Variants in ABCA3 observed in about 807,000 individuals in gnomAD.
ABCA3 encodes ATP binding cassette subfamily A member 3.
A neutral mutation model predicts 172.8 loss-of-function variants in ABCA3; 88 were observed. The observed-to-expected ratio is 0.51, with a 90% CI of 0.43 to 0.61. ABCA3 has a LOEUF of 0.61. Among genes scored for constraint, ABCA3 ranks in the 20% least tolerant of loss-of-function variants. The pLI is 0.00. For missense variants in ABCA3, 2,164 were observed against 2,301.0 expected, an observed-to-expected ratio of 0.94 and a Z score of 1.22; for synonymous variants, 1,066 against 983.8, an observed-to-expected ratio of 1.08 and a Z score of -1.56.
intron 1 of ABCA3, among the ~76,000 whole-genome samples, chr16:2,331,358 C>T (rs571258597): frequency 6.6e-6 from 1 of 152,290 alleles, no homozygotes; most frequent in African/African-American, 2.4e-5. Flanking sequence ...GCCACCACGC[C>T]CGGCTAATTC....
intron 1 of ABCA3, among the ~76,000 whole-genome samples, chr16:2,338,088 G>T (rs1040142757): frequency 2.6e-5 from 4 of 152,148 alleles, no homozygotes; most frequent in Non-Finnish European, 5.9e-5. Context: ...TGCAGGAAAC[G>T]AGGTAATGAG....
At chr16:2,337,837 T>C (rs1220665822) in intron 1 of ABCA3, among the ~76,000 whole-genome samples, 1 of 152,256 alleles carries the variant, frequency 6.6e-6, no homozygotes, top group Non-Finnish European at 1.5e-5. Flanking sequence ...CTGGCGCTCA[T>C]ACTCAGCACC....
At chr16:2,316,664 C>T (rs887150936) in intron 10 of ABCA3, among the ~76,000 whole-genome samples, 1 of 150,604 alleles carries the variant, frequency 6.6e-6, no homozygotes, top group African/African-American at 2.4e-5. Flanking sequence ...AGCAACAGAG[C>T]AAGACTGCTC....
At chr16:2,280,333 C>G (rs1410453766) in intron 28 of ABCA3, among the ~76,000 whole-genome samples, 2 of 152,258 alleles carry the variant, frequency 1.3e-5, no homozygotes, top group Non-Finnish European at 1.5e-5. Flanking sequence ...GGGCCTGTGT[C>G]TATTGCTTCC....
intron 11 of ABCA3, among the ~76,000 whole-genome samples, chr16:2,304,812 A>C (rs2078524344): frequency 6.6e-6 from 1 of 151,712 alleles, no homozygotes; most frequent in African/African-American, 2.4e-5. Flanking sequence ...AGTAGCTGGG[A>C]CTACAGGCGC....
intron 18 of ABCA3, among the ~76,000 whole-genome samples, chr16:2,294,375 G>A (rs2093676714): frequency 6.6e-6 from 1 of 152,018 alleles, no homozygotes; most frequent in Admixed American, 6.6e-5. Context: ...ACAAGAGAAA[G>A]GATGTTGCTA....
intron 10 of ABCA3, among the ~76,000 whole-genome samples, chr16:2,310,922 G>A (rs1336839186): frequency 6.6e-6 from 1 of 152,100 alleles, no homozygotes; most frequent in Non-Finnish European, 1.5e-5. Flanking sequence ...TGACTTAGCA[G>A]ATTACAGCTC....
chr16:2,288,426 C>T, intron 20 of ABCA3, 97 bp from the exon 21 acceptor site: 4 of 1,378,544 alleles, frequency 2.9e-6, no homozygotes, highest in Non-Finnish European at 2.9e-6. Context: ...GTGACGCCAG[C>T]CTGGGGGCCT....
In ABCA3 at chr16:2,317,290, G is replaced by T; in HGVS notation, c.1104C>A (p.Phe368Leu). ...ISFSFMVSTF[F>L]SKANMAAAFG... ...CCCATGACTGGGGCTCACCTTTGCT[G>T]AAGAAGGTGCTGACCATGAAGCTGA... The change falls in exon 10 of 33, where the codon TTC becomes TTA. Residue 368 changes from phenylalanine to leucine, a missense_variant. Phe to Leu is a conservative substitution (Grantham distance 22). Coordinates refer to ENST00000301732, the MANE Select transcript of ABCA3 (RefSeq NM_001089.3). 6.2e-7 allele frequency: 1 copy of T among 1,614,014 alleles called. No homozygotes were observed. The highest frequency in any genetic ancestry group is 8.5e-7 in the Non-Finnish European group (1 of 1,180,006).
At position 2,297,201 on chromosome 16, in the gene ABCA3, G is replaced by A. The variant is rs753262228; in HGVS notation, c.2263+128C>T. The A allele has an allele frequency of 9.7e-7, 1 of 1,026,870 alleles. No individual in the cohort carries two copies. Among genetic ancestry groups the A allele is most frequent in the Non-Finnish European group, 1.5e-6 (1 of 683,438 alleles). The allele number at this position is 1,026,870 out of a possible 1,614,324, so 63.6% of individuals were successfully genotyped here. A position where few individuals can be genotyped will look rare whatever the true frequency, so the allele number is the denominator to read the frequency against. On this transcript the variant is annotated intron_variant, in intron 17 of 32. Transcript: ENST00000301732. This position sits in a 1 kb window ranked among gnomAD's most constrained non-coding sequence, Gnocchi z 5.6. ...GCCTGGTTGGGCTCTCCACCCAGAG[G>A]CAACAGACAGGAAGTCTAGAAAAGG...
In ABCA3 at chr16:2,283,466, A is replaced by G; in HGVS notation, c.3863-108T>C. 1 of 1,306,328 alleles carries G rather than the reference A, an allele frequency of 7.7e-7. No individual in the cohort carries two copies. The highest frequency in any genetic ancestry group is 2.4e-5 in the East Asian group (1 of 40,912). The allele number at this position is 1,306,328 out of a possible 1,614,324, so 80.9% of individuals were successfully genotyped here. On this transcript the variant is annotated intron_variant, in intron 25 of 32. Transcript: ENST00000301732. This position sits in a 1 kb window ranked among gnomAD's most constrained non-coding sequence, Gnocchi z 5.4. ...CAGGCTGCTCAAGGCGCCTGTAACA[A>G]TGTCCCCTCCATGGGGAGATGTGAA... is the stretch of plus-strand genomic sequence containing the variant.
chr16:2,295,487 C>G, intron 18 of ABCA3, 103 bp downstream of exon 18: 1 of 1,559,252 alleles, frequency 6.4e-7, no homozygotes, highest in Non-Finnish European at 8.7e-7. Flanking sequence ...ACTGGCCAGG[C>G]CAGAGAGGGG....
chr16:2,337,341 C>A (rs1459264543), intron 1 of ABCA3, among the ~76,000 whole-genome samples: 1 of 151,042 alleles, frequency 6.6e-6, no homozygotes, highest in Non-Finnish European at 1.5e-5. Context: ...TTCTTTTACA[C>A]ATAACAGTAC....
chr16:2,289,399 T>TCCCCC, intron 20 of ABCA3, 35 bp downstream of exon 20: 14 of 1,544,316 alleles, frequency 9.1e-6, no homozygotes, highest in Non-Finnish European at 1.1e-5. Flanking sequence ...TGCTCGCCCT[T>TCCCCC]CCCCCGCCAC....
At chr16:2,331,925 G>A (rs746355351) in intron 1 of ABCA3, among the ~76,000 whole-genome samples, 9 of 152,134 alleles carry the variant, frequency 5.9e-5, no homozygotes, top group Admixed American at 4.6e-4. Flanking sequence ...GTCAGGAAAG[G>A]GAAGGCAAAC....
At chr16:2,310,388 C>A (rs929847645) in intron 10 of ABCA3, among the ~76,000 whole-genome samples, 1 of 151,658 alleles carries the variant, frequency 6.6e-6, no homozygotes, top group Non-Finnish European at 1.5e-5. Flanking sequence ...ATCCTAGCGA[C>A]AGAGTGAGAC....
At position 2,279,005 on chromosome 16, in the gene ABCA3, C is replaced by T. The variant is rs765003817; in HGVS notation, c.4485G>A (p.Val1495=). Reference sequence around the variant, plus strand: ...GCAGCAGGCCCCGCAGAGTGTTCTCCACGCAGGCCCCGATGTGGCGCTCAG... The same window carrying T: ...GCAGCAGGCCCCGCAGAGTGTTCTCTACGCAGGCCCCGATGTGGCGCTCAG... ...GIPERHIGAC[V]ENTLRGLLLE... The change falls in exon 29 of 33, where the codon GTG becomes GTA. Residue 1495 remains valine, a synonymous_variant. Transcript: ENST00000301732. The surrounding 1 kb of genome is among the most constrained non-coding windows in gnomAD (Gnocchi z 4.4). 51 of 1,613,456 alleles carry T rather than the reference C, an allele frequency of 3.2e-5. No individual in the cohort carries two copies. Among genetic ancestry groups the T allele is most frequent in the Admixed American group, 6.7e-5 (4 of 60,012 alleles).
rs78286222 is a variant in ABCA3 at position 2,326,475 on chromosome 16, T to C, written c.-9A>G. 1.9e-3 allele frequency: 3,031 copies of C among 1,608,992 alleles called. 46 individuals are homozygous for C. The African/African-American group carries it at 0.034, about 18-fold the overall frequency. ...TGCCTGAGCACAGCCATCGTCTTGC[T>C]GAAAGGGACGCCCAGTGCTAGTTAC... On this transcript the variant is annotated 5_prime_UTR_variant, in exon 4 of 33. Coordinates refer to ENST00000301732, the MANE Select transcript of ABCA3 (RefSeq NM_001089.3).
chr16:2,284,686 A>G lies in ABCA3; in HGVS notation c.3703+93T>C, dbSNP rs2093660038. The stretch of plus-strand genomic sequence containing the variant: ...GAGCATGAACTGGGCCCATTGCCTG[A>G]GTCCCGCCTCGGCTGTGGCTGGTGC... On this transcript the variant is annotated intron_variant, in intron 24 of 32. Coordinates refer to ENST00000301732, the MANE Select transcript of ABCA3 (RefSeq NM_001089.3). The surrounding 1 kb of genome is among the most constrained non-coding windows in gnomAD (Gnocchi z 5.9). The G allele has an allele frequency of 4.9e-5, 69 of 1,396,686 alleles. 3 individuals are homozygous for G. The South Asian group carries it at 6.8e-4, about 14-fold the overall frequency. The allele number at this position is 1,396,686 out of a possible 1,614,324, so 86.5% of individuals were successfully genotyped here.
Sources: allele counts gnomAD v4.1 joint callset (sites outside exome capture counted in the v4.1 genomes callset), GRCh38; gene constraint gnomAD v4.1.1; non-coding constraint Gnocchi (gnomAD v3.1); transcripts MANE v1.5; gene names NCBI Gene and HGNC (gene_info 2026-07-23, HGNC 2026-07-21).